The following CDH19 variants were observed in gnomAD, a reference collection of about 807,000 sequenced individuals.
The protein encoded by CDH19 is cadherin 19, also known as cadherin-19.
Under a neutral mutation model 64.2 loss-of-function variants are expected in CDH19, and 67 were observed. The ratio of observed to expected loss-of-function variants is 1.04; its 90% CI spans 0.86 to 1.28. The LOEUF (loss-of-function observed/expected upper bound fraction) is 1.28, where lower values mean the gene tolerates loss of function less well. Ranked by LOEUF, CDH19 falls within the 50% of genes most tolerant of loss-of-function variation. The pLI is 0.00. For missense variants in CDH19, 1,030 were observed against 929.0 expected, an observed-to-expected ratio of 1.11 and a Z score of -1.41; for synonymous variants, 346 against 319.3, an observed-to-expected ratio of 1.08 and a Z score of -0.89.
At chr18:66,552,245 G>GA (rs777376123) in intron 4 of CDH19, among the ~76,000 whole-genome samples, 1 of 151,594 alleles carries the variant, frequency 6.6e-6, no homozygotes, top group Admixed American at 6.6e-5. Flanking sequence ...ATAAACTTGT[G>GA]AAAAAAATGA....
chr18:66,555,225 A>G (rs1215688428), intron 3 of CDH19, among the ~76,000 whole-genome samples: 1 of 151,904 alleles, frequency 6.6e-6, no homozygotes, highest in East Asian at 1.9e-4. Flanking sequence ...GAGTTTTCAA[A>G]GTATCTTTCT....
chr18:66,590,147 CCCACTCCACAGCTACTGATTCAT>C (rs1424567883), intron 1 of CDH19, among the ~76,000 whole-genome samples: 5 of 151,748 alleles, frequency 3.3e-5, no homozygotes, highest in African/African-American at 1.2e-4. Flanking sequence ...AACAGATAAT[CCCACTCCACAGCTACTGATTCAT>C]GAGCTGGGTA....
At chr18:66,537,496 G>A (rs576843743) in intron 7 of CDH19, among the ~76,000 whole-genome samples, 3 of 152,064 alleles carry the variant, frequency 2.0e-5, no homozygotes, top group East Asian at 1.9e-4. Context: ...AATAGGTGAT[G>A]ACGACCCCAT....
In CDH19 at chr18:66,554,473, C is replaced by T. The variant is rs1387257048; in HGVS notation, c.542G>A (p.Gly181Asp). 1.9e-6 allele frequency: 3 copies of T among 1,610,626 alleles called. No homozygotes were observed. Among genetic ancestry groups the T allele is most frequent in the Non-Finnish European group, 1.7e-6 (2 of 1,177,452 alleles). ...TASDADDPSS[G>D]NNARLLYSLL... ...GCTGTAGAGGAGACGAGCATTATTACCACTTGAGGGATCGTCAGCATCACT... is the reference window on the plus strand; with the variant it reads ...GCTGTAGAGGAGACGAGCATTATTATCACTTGAGGGATCGTCAGCATCACT... Residue 181 changes from glycine (G) to aspartate (D), a missense_variant, in exon 4 of 12, where the codon GGT becomes GAT. Transcript: ENST00000262150.
At chr18:66,582,436 G>A (rs1204206183) in intron 1 of CDH19, among the ~76,000 whole-genome samples, 1 of 151,868 alleles carries the variant, frequency 6.6e-6, no homozygotes, top group Non-Finnish European at 1.5e-5. Context: ...AGAACCACTA[G>A]TATGAAATAT....
At chr18:66,583,293 T>C (rs1312611260) in intron 1 of CDH19, among the ~76,000 whole-genome samples, 1 of 152,114 alleles carries the variant, frequency 6.6e-6, no homozygotes, top group Non-Finnish European at 1.5e-5. Flanking sequence ...ATCTGAAATT[T>C]ATAGGGTTCG....
chr18:66,527,303 G>A (rs1026981321), intron 9 of CDH19, among the ~76,000 whole-genome samples: 4 of 151,508 alleles, frequency 2.6e-5, no homozygotes, highest in African/African-American at 9.7e-5. Flanking sequence ...GTTTTTCCAG[G>A]TTGCATGTGA....
intron 1 of CDH19, among the ~76,000 whole-genome samples, chr18:66,589,793 T>C (rs1242154298): frequency 6.6e-6 from 1 of 151,954 alleles, no homozygotes. Flanking sequence ...ATGTTTGTGT[T>C]GTGTAGAATC....
chr18:66,558,032 A>C (rs1008020462), intron 3 of CDH19, among the ~76,000 whole-genome samples: 1 of 151,614 alleles, frequency 6.6e-6, no homozygotes, highest in South Asian at 2.1e-4. Context: ...GCTCCTTATT[A>C]GTGCAACTCC....
intron 9 of CDH19, among the ~76,000 whole-genome samples, chr18:66,526,831 TC>T (rs1986239100): frequency 6.6e-6 from 1 of 152,030 alleles, no homozygotes; most frequent in Admixed American, 6.5e-5. Context: ...ATTTCATCAT[TC>T]TTTTTTTTTA....
In CDH19 at chr18:66,572,157, T is replaced by C. The variant is rs2144581969; in HGVS notation, c.48A>G (p.Leu16=). The stretch of plus-strand genomic sequence containing the variant: ...TTTCTGTTGCTCCAAGACAAGGCCA[T>C]AGGAGAGGAATTCCCAACATAAAAC... ...LLRFMLGIPL[L]WPCLGATENS... Residue 16 remains leucine (L), a synonymous_variant, in exon 2 of 12, where the codon CTA becomes CTG. Coordinates refer to ENST00000262150, the MANE Select transcript of CDH19 (RefSeq NM_021153.4). 2.5e-6 allele frequency: 4 copies of C among 1,611,348 alleles called. No homozygotes were observed. The African/African-American group carries it at 4.0e-5, about 16-fold the overall frequency.
At position 66,502,981 on chromosome 18, in the gene CDH19, AAATAT is replaced by A. The variant is rs780345255; in HGVS notation, c.*1826_*1830del. ...ATGTTTAAATTTCAAAGTACCAATAAAATATATTATAACCATTTAACTACTTCATC... is the reference window on the plus strand; with the variant it reads ...ATGTTTAAATTTCAAAGTACCAATAAATTATAACCATTTAACTACTTCATC... On this transcript the variant is annotated 3_prime_UTR_variant, in exon 12 of 12. Transcript: ENST00000262150. 2.6e-5 allele frequency: 4 copies of A among 151,902 alleles called. No individual in the cohort carries two copies. Among genetic ancestry groups the A allele is most frequent in the Non-Finnish European group, 4.4e-5 (3 of 67,858 alleles). The allele number at this position is 151,902 out of a possible 1,614,324, so 9.4% of individuals were successfully genotyped here. A position where few individuals can be genotyped will look rare whatever the true frequency, so the allele number is the denominator to read the frequency against.
chr18:66,534,540 G>A (rs902807322), intron 8 of CDH19, among the ~76,000 whole-genome samples: 1 of 151,844 alleles, frequency 6.6e-6, no homozygotes, highest in African/African-American at 2.4e-5. Context: ...TATTGACTAA[G>A]TAATGGAAAT....
chr18:66,536,885 C>A (rs755217089), intron 7 of CDH19, among the ~76,000 whole-genome samples: 2 of 151,622 alleles, frequency 1.3e-5, no homozygotes, highest in Non-Finnish European at 3.0e-5. Flanking sequence ...AGACAAACAT[C>A]AGAAAATTCA....
At chr18:66,597,081 C>CAAAAAAA (rs35253366) in intron 1 of CDH19, among the ~76,000 whole-genome samples, 2 of 26,320 alleles carry the variant, frequency 7.6e-5, no homozygotes, top group African/African-American at 2.6e-4. Context: ...GACTCCATCT[C>CAAAAAAA]AAAAAAAAAA....
intron 9 of CDH19, among the ~76,000 whole-genome samples, chr18:66,516,872 T>C (rs1985762313): frequency 6.6e-6 from 1 of 152,020 alleles, no homozygotes; most frequent in African/African-American, 2.4e-5. Context: ...AATTGATACA[T>C]TAAAGACATA....
intron 1 of CDH19, among the ~76,000 whole-genome samples, chr18:66,584,806 T>C (rs913066451): frequency 2.0e-5 from 3 of 152,102 alleles, no homozygotes; most frequent in African/African-American, 7.2e-5. Context: ...TATTTTCATG[T>C]TTTTCTAAAA....
intron 7 of CDH19, among the ~76,000 whole-genome samples, chr18:66,542,232 C>T (rs1451247830): frequency 2.0e-5 from 3 of 152,016 alleles, no homozygotes; most frequent in Admixed American, 6.6e-5. Flanking sequence ...ACTACATATG[C>T]GTATCAGAAG....
intron 1 of CDH19, among the ~76,000 whole-genome samples, chr18:66,597,239 A>G (rs963626327): frequency 1.3e-5 from 2 of 151,536 alleles, no homozygotes; most frequent in African/African-American, 4.8e-5. Flanking sequence ...TAATTAAAAC[A>G]GTATGGTACT....
Sources: gnomAD v4.1 joint callset for allele counts (sites outside exome capture counted in the v4.1 genomes callset) on GRCh38, gnomAD v4.1.1 for gene constraint, MANE v1.5 for transcripts, NCBI Gene and HGNC (gene_info 2026-07-23, HGNC 2026-07-21) for gene names.